RPUSD1: variants seen among roughly 807,000 people sequenced by gnomAD.
RPUSD1 encodes pseudouridylate synthase RPUSD1.
In RPUSD1, 28 loss-of-function variants were observed where a neutral mutation model predicts 22.4. The ratio of observed to expected loss-of-function variants is 1.25; its 90% CI spans 0.93 to 1.72. The LOEUF (loss-of-function observed/expected upper bound fraction) is 1.72, where lower values mean the gene tolerates loss of function less well. RPUSD1 is among the 40% of genes most tolerant of loss of function. The pLI, the probability that RPUSD1 is intolerant of heterozygous loss-of-function variation, is 0.00. For synonymous variants in RPUSD1, 298 were observed against 201.0 expected (o/e 1.48, Z -4.08); for missense variants, 596 against 442.2 (o/e 1.35, Z -3.12).
chr16:785,611 C>G lies in RPUSD1; in HGVS notation c.*339G>C. 1 of 271,292 alleles carries G rather than the reference C, an allele frequency of 3.7e-6. No homozygotes were observed. The highest frequency in any genetic ancestry group is 6.9e-6 in the Non-Finnish European group (1 of 145,056). The allele number at this position is 271,292 out of a possible 1,614,324, so 16.8% of individuals were successfully genotyped here. Reference sequence around the variant, plus strand: ...GCCTCTTCCTGAGGTGACCTTGAGTCCGTAAAACTGACGCCCCTGGGGTGA... The same window carrying G: ...GCCTCTTCCTGAGGTGACCTTGAGTGCGTAAAACTGACGCCCCTGGGGTGA... On this transcript the variant is annotated 3_prime_UTR_variant, in exon 6 of 6. Coordinates refer to ENST00000007264, the MANE Select transcript of RPUSD1 (RefSeq NM_058192.3).
intron 1 of RPUSD1, 121 bp from the exon 2 acceptor site, chr16:787,865 A>G (rs1157467898): frequency 1.0e-6 from 1 of 960,798 alleles, no homozygotes; most frequent in Non-Finnish European, 1.5e-6. Context: ...CCGGGTCCGC[A>G]GCCCTACTGT....
rs370412371 is a variant in RPUSD1, at chr16:788,138, G to C, written c.-8+118C>G. 2.2e-5 allele frequency: 10 copies of C among 454,368 alleles called. No homozygotes were observed. The East Asian group carries it at 5.3e-4, about 24-fold the overall frequency. The allele number at this position is 454,368 out of a possible 1,614,324, so 28.1% of individuals were successfully genotyped here. On this transcript the variant is annotated intron_variant, in intron 1 of 5. Coordinates refer to ENST00000007264, the MANE Select transcript of RPUSD1 (RefSeq NM_058192.3). ...CCAGGTCTGCCCGCAGCGCGGGTTAGGGCTGGGGCCTCCTCGCTCCCCGCA... is the reference window on the plus strand; with the variant it reads ...CCAGGTCTGCCCGCAGCGCGGGTTACGGCTGGGGCCTCCTCGCTCCCCGCA...
intron 3 of RPUSD1, 44 bp from the exon 4 acceptor site, chr16:787,223 G>C: frequency 6.4e-7 from 1 of 1,563,568 alleles, no homozygotes; most frequent in Middle Eastern, 1.8e-4. Context: ...GGGCAGCCCA[G>C]TGCTGCCGGG....
In RPUSD1 at chr16:786,052, G is replaced by A. The variant is rs781192381; in HGVS notation, c.837C>T (p.Pro279=). ...TGGTTGGGGGTGGAGGAGGCCGGCCGGGCCCAGGCAGGAGTGCGGAGGGGC... is the reference window on the plus strand; with the variant it reads ...TGGTTGGGGGTGGAGGAGGCCGGCCAGGCCCAGGCAGGAGTGCGGAGGGGC... ...PGSPSALLPG[P]GRPPPPPTKP... Residue 279 remains proline (P), a synonymous_variant, in exon 6 of 6, where the codon CCC becomes CCT. Transcript: ENST00000007264. The A allele has an allele frequency of 1.8e-5, 27 of 1,527,380 alleles. No homozygotes were observed. Among genetic ancestry groups the A allele is most frequent in the Middle Eastern group, 1.8e-4 (1 of 5,552 alleles). 94.6% of individuals were successfully genotyped at this position (1,527,380 alleles called of 1,614,324 possible).
At chr16:787,512 T>G (rs1272896802) in intron 2 of RPUSD1, 35 bp from the exon 3 acceptor site, 2 of 1,598,024 alleles carry the variant, frequency 1.3e-6, no homozygotes, top group Non-Finnish European at 8.5e-7. Context: ...CTGAGCCACT[T>G]TCCTCCACAG....
chr16:786,950 T>C, intron 4 of RPUSD1, 22 bp from the exon 5 acceptor site: 1 of 1,608,106 alleles, frequency 6.2e-7, no homozygotes, highest in African/African-American at 1.3e-5. Context: ...AAGGCAGGTG[T>C]GAGGTTAGTG....
Position 785,964 on chromosome 16 carries a change from C to G in RPUSD1, c.925G>C (p.Glu309Gln). The G allele has an allele frequency of 6.9e-7, 1 of 1,440,500 alleles. No individual in the cohort carries two copies. Among genetic ancestry groups the G allele is most frequent in the South Asian group, 1.5e-5 (1 of 68,712 alleles). The allele number at this position is 1,440,500 out of a possible 1,614,324, so 89.2% of individuals were successfully genotyped here. Residue 309 changes from glutamate to glutamine, a missense_variant, in exon 6 of 6, where the codon GAA becomes CAA. By Grantham distance (29) the Glu-to-Gln change is conservative. Transcript: ENST00000007264. The part of the protein sequence containing the change: ...CLQWLSEWTL[E>Q]PDS The stretch of plus-strand genomic sequence containing the variant: ...CCCCACGGCTCTCAGCTGTCCGGTT[C>G]CAGCGTCCACTCCGACAGCCACTGC...
intron 5 of RPUSD1, 135 bp downstream of exon 5, chr16:786,692 G>A (rs756763090): frequency 6.2e-6 from 5 of 809,208 alleles, no homozygotes; most frequent in African/African-American, 3.3e-5. Context: ...AGGCTGCAGG[G>A]CGTGGAGTTA....
rs2041882928 is a variant in RPUSD1 at position 785,816 on chromosome 16, T to A, written c.*134A>T. 2 of 803,894 alleles carry A rather than the reference T, an allele frequency of 2.5e-6. No individual in the cohort carries two copies. The highest frequency in any genetic ancestry group is 1.7e-6 in the Non-Finnish European group (1 of 574,948). The allele number at this position is 803,894 out of a possible 1,614,324, so 49.8% of individuals were successfully genotyped here. ...CCACCTCAGCCCTTCCTCGCAGGCC[T>A]GGCCGGGGCAACCCAGTGGGCCTGA... On this transcript the variant is annotated 3_prime_UTR_variant, in exon 6 of 6. Transcript: ENST00000007264.
At position 787,712 on chromosome 16, in the gene RPUSD1, A is replaced by G. The variant is rs942649994; in HGVS notation, c.26T>C (p.Leu9Pro). ...GTCGCGGCTCCGGTACACGATGGAC[A>G]GGTTCTCCACGCTGCCTGGCTCCAT... MEPGSVEN[L>P]SIVYRSRDFL... The change falls in exon 2 of 6, where the codon CTG becomes CCG. Residue 9 changes from leucine (L) to proline (P), a missense_variant. By Grantham distance (98) the Leu-to-Pro change is moderately conservative. Coordinates refer to ENST00000007264, the MANE Select transcript of RPUSD1 (RefSeq NM_058192.3). 39 of 1,611,338 alleles carry G rather than the reference A, an allele frequency of 2.4e-5. No individual in the cohort carries two copies. Among genetic ancestry groups the G allele is most frequent in the Non-Finnish European group, 3.1e-5 (36 of 1,179,888 alleles).
At position 787,541 on chromosome 16, in the gene RPUSD1, G is replaced by T. The variant is rs373949325; in HGVS notation, c.182+15C>A. The T allele has an allele frequency of 8.2e-5, 131 of 1,606,774 alleles. No individual in the cohort carries two copies. The highest frequency in any genetic ancestry group is 1.0e-4 in the Non-Finnish European group (120 of 1,177,934). On this transcript the variant is annotated intron_variant, in intron 2 of 5. Transcript: ENST00000007264. ...TCCACAGACGCCACCGTGGGGCTCCGGCCGCCCCCCCTACCTGAACCCGTA... is the reference window on the plus strand; with the variant it reads ...TCCACAGACGCCACCGTGGGGCTCCTGCCGCCCCCCCTACCTGAACCCGTA...
intron 5 of RPUSD1, 71 bp from the exon 6 acceptor site, chr16:786,448 C>T: frequency 6.7e-7 from 1 of 1,483,248 alleles, no homozygotes; most frequent in Non-Finnish European, 9.1e-7. Flanking sequence ...CTGACCAGGA[C>T]CCACCTCCCG....
At chr16:786,737 G>A (rs747534273) in intron 5 of RPUSD1, 90 bp downstream of exon 5, 2 of 1,064,544 alleles carry the variant, frequency 1.9e-6, no homozygotes, top group Non-Finnish European at 2.9e-6. Context: ...GCTCTGCCCT[G>A]ATGCTCAGGG....
chr16:785,861 G>A lies in RPUSD1; in HGVS notation c.*89C>T. The A allele has an allele frequency of 4.2e-6, 5 of 1,183,958 alleles. No homozygotes were observed. The East Asian group carries it at 1.1e-4, about 27-fold the overall frequency. 73.3% of individuals were successfully genotyped at this position (1,183,958 alleles called of 1,614,324 possible). On this transcript the variant is annotated 3_prime_UTR_variant, in exon 6 of 6. Transcript: ENST00000007264. ...GCCTGATGCTGCCTGGCACCTCGAG[G>A]CCCCAGAGCCAGTGAGCAGACGCTC... is the stretch of plus-strand genomic sequence containing the variant.
chr16:786,475 G>T, intron 5 of RPUSD1, 98 bp from the exon 6 acceptor site: 1 of 1,234,978 alleles, frequency 8.1e-7, no homozygotes, highest in Non-Finnish European at 1.1e-6. Context: ...CCCCGCTGCA[G>T]TCTTGAAGCA....
At chr16:787,048 C>A in intron 4 of RPUSD1, 29 bp downstream of exon 4, 1 of 1,596,874 alleles carries the variant, frequency 6.3e-7, no homozygotes, top group Non-Finnish European at 8.5e-7. Context: ...ACCCACGATG[C>A]CCGCCCGGTG....
At chr16:788,206 C>A (rs999433412) in intron 1 of RPUSD1, 50 bp downstream of exon 1, 9 of 401,318 alleles carry the variant, frequency 2.2e-5, no homozygotes, top group African/African-American at 1.8e-4. Flanking sequence ...GTGGGCAGGC[C>A]GACCCTGGCT....
At position 786,280 on chromosome 16, in the gene RPUSD1, C is replaced by T. The variant is rs371373812; in HGVS notation, c.609G>A (p.Pro203=). The change falls in exon 6 of 6, where the codon CCG becomes CCA. Residue 203 remains proline (P), a synonymous_variant. Coordinates refer to ENST00000007264, the MANE Select transcript of RPUSD1 (RefSeq NM_058192.3). ...YGEVSGREDR[P]FRMMLHAFYL... is the part of the protein sequence containing the mutation. The stretch of plus-strand genomic sequence containing the variant: ...AGAAAGCGTGCAGCATCATTCTGAA[C>T]GGCCGGTCCTCCCGGCCCGAGACTT... 64 of 1,612,738 alleles carry T rather than the reference C, an allele frequency of 4.0e-5. No homozygotes were observed. The Middle Eastern group carries it at 4.9e-4, about 12-fold the overall frequency.
Position 786,220 on chromosome 16 carries a change from C to G in RPUSD1, c.669G>C (p.Glu223Asp), listed in dbSNP as rs755487908. ...LRIPTDTECV[E>D]VCTPDPFLPS... is the part of the protein sequence containing the mutation. ...GCAGGAAGGGGTCAGGCGTGCAGAC[C>G]TCCACACACTCGGTGTCCGTGGGGA... The change falls in exon 6 of 6, where the codon GAG becomes GAC. Residue 223 changes from glutamate to aspartate, a missense_variant. Glu to Asp is a conservative substitution (Grantham distance 45). Coordinates refer to ENST00000007264, the MANE Select transcript of RPUSD1 (RefSeq NM_058192.3). 1 of 1,612,764 alleles carries G rather than the reference C, an allele frequency of 6.2e-7. No homozygotes were observed. Among genetic ancestry groups the G allele is most frequent in the Non-Finnish European group, 8.5e-7 (1 of 1,179,934 alleles).
Sources: gnomAD v4.1 joint callset for allele counts on GRCh38, gnomAD v4.1.1 for gene constraint, MANE v1.5 for transcripts, NCBI Gene and HGNC (gene_info 2026-07-23, HGNC 2026-07-21) for gene names.